UNC80: variants seen among roughly 807,000 people sequenced by gnomAD.
UNC80 encodes protein unc-80 homolog.
UNC80 carries 164 observed loss-of-function variants against 384.6 expected under a neutral mutation model. That is an observed-to-expected ratio of 0.43 (90% CI 0.38 to 0.49). UNC80 has a LOEUF of 0.49. Ranked by LOEUF, UNC80 falls within the 20% of genes least tolerant of loss-of-function variation. The pLI is 0.00. For synonymous variants in UNC80, 1,486 were observed against 1,527.8 expected (o/e 0.97, Z 0.64); for missense variants, 3,330 against 4,143.0 (o/e 0.80, Z 5.39).
At chr2:209,900,867 C>T (rs1317181815) in intron 28 of UNC80, among the ~76,000 whole-genome samples, 1 of 152,322 alleles carries the variant, frequency 6.6e-6, no homozygotes, top group South Asian at 2.1e-4. Flanking sequence ...AAGATCAAAC[C>T]AGCCACAATA....
chr2:209,944,705 T>C (rs1044093427), intron 45 of UNC80, among the ~76,000 whole-genome samples: 6 of 152,184 alleles, frequency 3.9e-5, no homozygotes, highest in African/African-American at 1.2e-4. Context: ...GCAAACATAT[T>C]TGTAGTATTC....
chr2:209,926,342 G>A (rs565549327), intron 35 of UNC80, among the ~76,000 whole-genome samples: 130 of 152,334 alleles, frequency 8.5e-4, no homozygotes, highest in Middle Eastern at 3.4e-3. Flanking sequence ...TACTCGGAAA[G>A]TGGGCTGGTT....
rs1439195567 is a variant in UNC80, at chr2:209,959,637, A to G, written c.7735A>G (p.Ile2579Val). 1 of 1,551,688 alleles carries G rather than the reference A, an allele frequency of 6.4e-7. No homozygotes were observed. Among genetic ancestry groups the G allele is most frequent in the East Asian group, 2.4e-5 (1 of 40,914 alleles). ...FYKHCGPRLKILQNLAGEPRV... is the reference protein window; with the variant it reads ...FYKHCGPRLKVLQNLAGEPRV... ...TAAGCACTGTGGGCCACGGCTGAAG[A>G]TCTTGCAAAATCTGGCTGGGGAGCC... is the stretch of plus-strand genomic sequence containing the variant. The change falls in exon 51 of 65, where the codon ATC becomes GTC. Residue 2579 changes from isoleucine (I) to valine (V), a missense_variant. By Grantham distance (29) the Ile-to-Val change is conservative. Transcript: ENST00000673920.
In UNC80 at chr2:209,839,365, C is replaced by G. The variant is rs1169755738; in HGVS notation, c.3185C>G (p.Ser1062Cys). 1.3e-6 allele frequency: 2 copies of G among 1,551,910 alleles called. No homozygotes were observed. The highest frequency in any genetic ancestry group is 1.7e-6 in the Non-Finnish European group (2 of 1,147,078). The change falls in exon 19 of 65, where the codon TCT (serine) becomes TGT (cysteine). Residue 1062 changes from serine (S) to cysteine (C), a missense_variant. Transcript: ENST00000673920. This position sits in a 1 kb window ranked among gnomAD's most constrained non-coding sequence, Gnocchi z 4.1. ...ACGACTGCCCACTCAGGGACCACCT[C>G]TGACCGACGTGCCCGCTCACGATCC... is the stretch of plus-strand genomic sequence containing the variant. ...ECTTAHSGTT[S>C]DRRARSRSRR...
chr2:209,912,705 T>C (rs2089086157), intron 30 of UNC80, 38 bp downstream of exon 30: 1 of 1,424,032 alleles, frequency 7.0e-7, no homozygotes, highest in Non-Finnish European at 9.7e-7. Flanking sequence ...ATGGAACTTT[T>C]AACAGGGAGG....
chr2:209,831,413 T>C, intron 15 of UNC80, 30 bp from the exon 16 acceptor site: 2 of 1,532,326 alleles, frequency 1.3e-6, no homozygotes, highest in South Asian at 1.3e-5. Flanking sequence ...AAAGGAAACA[T>C]TGTCTTTAAT....
intron 35 of UNC80, among the ~76,000 whole-genome samples, chr2:209,926,207 G>C (rs766919258): frequency 1.3e-5 from 2 of 152,098 alleles, no homozygotes; most frequent in Non-Finnish European, 2.9e-5. Flanking sequence ...CACACAACCA[G>C]TTGCATCTAT....
At chr2:209,809,741 T>G (rs1195575758) in intron 7 of UNC80, among the ~76,000 whole-genome samples, 2 of 152,220 alleles carry the variant, frequency 1.3e-5, no homozygotes, top group Non-Finnish European at 2.9e-5. Context: ...GGGACTTTGA[T>G]GAAAACCATT....
At chr2:209,972,449 G>A in intron 55 of UNC80, 125 bp downstream of exon 55, 1 of 1,307,822 alleles carries the variant, frequency 7.6e-7, no homozygotes, top group Non-Finnish European at 1.0e-6. Flanking sequence ...GATTTAAATA[G>A]GGTCATCTTA....
intron 23 of UNC80, among the ~76,000 whole-genome samples, chr2:209,876,739 T>A (rs1407669152): frequency 6.6e-6 from 1 of 152,188 alleles, no homozygotes; most frequent in Non-Finnish European, 1.5e-5. Context: ...ACGATTTGTA[T>A]CATTTGCTTA....
chr2:209,793,077 G>T (rs2077925508), intron 6 of UNC80, among the ~76,000 whole-genome samples: 1 of 152,046 alleles, frequency 6.6e-6, no homozygotes, highest in Admixed American at 6.6e-5. Flanking sequence ...GATTGTTGAG[G>T]GTCTTTATAC....
intron 29 of UNC80, among the ~76,000 whole-genome samples, chr2:209,905,401 G>A (rs371847124): frequency 1.9e-4 from 29 of 152,240 alleles, no homozygotes; most frequent in African/African-American, 7.0e-4. Flanking sequence ...AGTGGAAAAA[G>A]GAGTCAGGAG....
Position 209,888,255 on chromosome 2 carries a change from A to C in UNC80, c.4271A>C (p.Lys1424Thr), listed in dbSNP as rs1248815336. 6 of 1,551,692 alleles carry C rather than the reference A, an allele frequency of 3.9e-6. No individual in the cohort carries two copies. The highest frequency in any genetic ancestry group is 3.3e-4 in the Middle Eastern group (2 of 5,990). Residue 1424 changes from lysine to threonine, a missense_variant, in exon 26 of 65, where the codon AAG (lysine) becomes ACG (threonine). Physicochemically the swap from Lys to Thr is moderately conservative, Grantham distance 78 (BLOSUM62 -1). This residue lies in a region of UNC80 where 801 missense variants were observed against 950.8 expected (regional missense o/e 0.84). Coordinates refer to ENST00000673920, the MANE Select transcript of UNC80 (RefSeq NM_001371986.1). Reference protein sequence around the residue: ...TLKSDAGVEEKKVPSRKIRIG... With the variant: ...TLKSDAGVEETKVPSRKIRIG... ...AAATCAGATGCAGGAGTCGAGGAGA[A>C]GAAAGGTATGGAAACACAAAGGTTC...
chr2:209,915,759 T>G (rs991809908), intron 31 of UNC80, among the ~76,000 whole-genome samples: 1 of 152,228 alleles, frequency 6.6e-6, no homozygotes, highest in African/African-American at 2.4e-5. Context: ...AGAAGTTGGC[T>G]AATGGGTACG....
rs2077985521 is a variant in UNC80, at chr2:209,793,817, T to C, written c.896T>C (p.Leu299Pro). Residue 299 changes from leucine to proline, a missense_variant, in exon 7 of 65, where the codon CTG becomes CCG. This residue lies in a region of UNC80 where 937 missense variants were observed against 1,026.8 expected (regional missense o/e 0.91). Coordinates refer to ENST00000673920, the MANE Select transcript of UNC80 (RefSeq NM_001371986.1). Reference sequence around the variant, plus strand: ...CGAGGAAACTCCTTTGATGGAAGTCTGTCCTCCCAAACTTCCCAGGAAAGA... The same window carrying C: ...CGAGGAAACTCCTTTGATGGAAGTCCGTCCTCCCAAACTTCCCAGGAAAGA... ...CHRGNSFDGS[L>P]SSQTSQERGP... 6.2e-7 allele frequency: 1 copy of C among 1,614,172 alleles called. No homozygotes were observed. The highest frequency in any genetic ancestry group is 8.5e-7 in the Non-Finnish European group (1 of 1,179,988).
At chr2:209,942,146 A>G (rs2124980079) in intron 44 of UNC80, among the ~76,000 whole-genome samples, 1 of 152,258 alleles carries the variant, frequency 6.6e-6, no homozygotes, top group South Asian at 2.1e-4. Flanking sequence ...CCCTATTGTG[A>G]ACTGTGCATG....
chr2:209,803,808 C>A (rs1298113524), intron 7 of UNC80, among the ~76,000 whole-genome samples: 1 of 152,118 alleles, frequency 6.6e-6, no homozygotes, highest in East Asian at 1.9e-4. Flanking sequence ...TGACAGCTCA[C>A]TGTAACCTCA....
At chr2:209,844,489 TTCCTTCCTTCCTTCCTTCCTTCCTTCC>T (rs2082026131) in intron 21 of UNC80, among the ~76,000 whole-genome samples, 4 of 96,806 alleles carry the variant, frequency 4.1e-5, no homozygotes, top group African/African-American at 1.6e-4. Flanking sequence ...CCTTCCTTCC[TTCCTTCCTTCCTTCCTTCCTTCCTTCC>T]TTCCTTCCTT....
intron 35 of UNC80, among the ~76,000 whole-genome samples, chr2:209,924,080 T>C (rs2090249712): frequency 6.6e-6 from 1 of 152,138 alleles, no homozygotes; most frequent in Admixed American, 6.5e-5. Flanking sequence ...ACAAAATCTT[T>C]GTCTAGTAAG....
Sources: allele counts gnomAD v4.1 joint callset (sites outside exome capture counted in the v4.1 genomes callset), GRCh38; gene constraint gnomAD v4.1.1; regional missense constraint gnomAD v4.1.1; non-coding constraint Gnocchi (gnomAD v3.1); transcripts MANE v1.5; gene names NCBI Gene and HGNC (gene_info 2026-07-23, HGNC 2026-07-21).